Variants in ADAMTSL1 observed in about 807,000 individuals in gnomAD.
ADAMTSL1 encodes the protein ADAMTS like 1, also known as ADAMTS-like protein 1.
ADAMTSL1 carries 126 observed loss-of-function variants against 201.8 expected under a neutral mutation model. The ratio of observed to expected loss-of-function variants is 0.62; its 90% CI spans 0.54 to 0.72. The LOEUF is 0.72. ADAMTSL1 is among the 30% of genes least tolerant of loss of function. The pLI, the probability that ADAMTSL1 is intolerant of heterozygous loss-of-function variation, is 0.00. For synonymous variants in ADAMTSL1, 1,121 were observed against 903.4 expected (o/e 1.24, Z -4.32); for missense variants, 2,679 against 2,277.8 (o/e 1.18, Z -3.59).
At chr9:18,502,356 T>A (rs1247627599) in intron 1 of ADAMTSL1, among the ~76,000 whole-genome samples, 1 of 152,210 alleles carries the variant, frequency 6.6e-6, no homozygotes, top group African/African-American at 2.4e-5. Context: ...AAATAGAAAC[T>A]GCTTCAGGAA....
chr9:18,799,460 G>T (rs964206639), intron 20 of ADAMTSL1, among the ~76,000 whole-genome samples: 1 of 152,166 alleles, frequency 6.6e-6, no homozygotes, highest in African/African-American at 2.4e-5. Flanking sequence ...CTTCAGTCTG[G>T]ATCCGTGGAG....
chr9:18,153,975 C>T (rs1258783078), intron 1 of ADAMTSL1, among the ~76,000 whole-genome samples: 1 of 151,930 alleles, frequency 6.6e-6, no homozygotes, highest in Non-Finnish European at 1.5e-5. Flanking sequence ...ATTCTGGCAG[C>T]AGGTAATTTT....
intron 1 of ADAMTSL1, among the ~76,000 whole-genome samples, chr9:18,041,974 A>G (rs899213667): frequency 6.6e-6 from 1 of 152,002 alleles, no homozygotes; most frequent in Non-Finnish European, 1.5e-5. Flanking sequence ...AAAATTGGTT[A>G]CTTTAAATTT....
intron 2 of ADAMTSL1, among the ~76,000 whole-genome samples, chr9:18,169,661 A>G (rs568824240): frequency 2.2e-4 from 33 of 152,184 alleles, no homozygotes; most frequent in African/African-American, 6.7e-4. Context: ...AATTCTGTGA[A>G]AAAGTCATTG....
Position 18,637,245 on chromosome 9 carries a change from T to G in ADAMTSL1, c.676+1228T>G, listed in dbSNP as rs77952209. 7.9e-3 allele frequency among the ~76,000 whole-genome samples: 1,201 copies of G among 152,224 alleles called. 19 individuals carry two copies. The highest frequency in any genetic ancestry group is 0.028 in the African/African-American group (1,144 of 41,552). ...ACAGTGTTCACATGTCAAAAGATAA[T>G]GTATGTGTGTGTATTATTACCACTC... is the stretch of plus-strand genomic sequence containing the variant. On this transcript the variant is annotated intron_variant, in intron 6 of 28. Coordinates refer to ENST00000380548, the MANE Select transcript of ADAMTSL1 (RefSeq NM_001040272.6).
At chr9:18,210,840 C>G (rs1456617613) in intron 2 of ADAMTSL1, among the ~76,000 whole-genome samples, 1 of 151,524 alleles carries the variant, frequency 6.6e-6, no homozygotes, top group Admixed American at 6.6e-5. Context: ...GAGTGCCTGG[C>G]CAGGTATTAT....
chr9:18,491,775 G>A (rs1822283281), intron 1 of ADAMTSL1, among the ~76,000 whole-genome samples: 2 of 152,166 alleles, frequency 1.3e-5, no homozygotes, highest in South Asian at 4.1e-4. Context: ...GATAGGAAGA[G>A]ATGACTGCTA....
intron 10 of ADAMTSL1, among the ~76,000 whole-genome samples, chr9:18,678,995 C>T (rs1044173033): frequency 4.6e-5 from 7 of 152,246 alleles, no homozygotes; most frequent in South Asian, 2.1e-4. Flanking sequence ...GGGAAATACA[C>T]ATAGGAAAAT....
At chr9:18,881,928 A>G (rs373707920) in intron 23 of ADAMTSL1, among the ~76,000 whole-genome samples, 13 of 152,186 alleles carry the variant, frequency 8.5e-5, no homozygotes, top group African/African-American at 3.1e-4. Flanking sequence ...GGCCCTGGGA[A>G]CAAGACCAAG....
At chr9:18,277,952 A>C (rs1386602969) in intron 2 of ADAMTSL1, among the ~76,000 whole-genome samples, 1 of 151,796 alleles carries the variant, frequency 6.6e-6, no homozygotes, top group African/African-American at 2.4e-5. Context: ...TTTTGTATTT[A>C]CTATCTGTGT....
intron 16 of ADAMTSL1, among the ~76,000 whole-genome samples, chr9:18,766,229 G>A (rs1820356144): frequency 6.6e-6 from 1 of 152,178 alleles, no homozygotes; most frequent in African/African-American, 2.4e-5. Context: ...AAGTTGGAAG[G>A]ATTTAAGCTA....
chr9:18,733,057 C>T (rs537928391), intron 15 of ADAMTSL1, among the ~76,000 whole-genome samples: 1 of 152,180 alleles, frequency 6.6e-6, no homozygotes, highest in Admixed American at 6.5e-5. Context: ...AATTCCAAAG[C>T]AGTTACTGAG....
intron 2 of ADAMTSL1, among the ~76,000 whole-genome samples, chr9:18,523,993 C>T (rs1334306348): frequency 6.9e-6 from 1 of 144,858 alleles, no homozygotes; most frequent in African/African-American, 2.6e-5. Flanking sequence ...TCATTGGTAG[C>T]TTGATGGGGA....
chr9:18,449,832 T>A (rs992062317), intron 2 of ADAMTSL1, among the ~76,000 whole-genome samples: 2 of 152,182 alleles, frequency 1.3e-5, no homozygotes, highest in Non-Finnish European at 2.9e-5. Flanking sequence ...AATAATACAC[T>A]ACTATATACC....
intron 1 of ADAMTSL1, among the ~76,000 whole-genome samples, chr9:17,962,338 C>T (rs1006857973): frequency 6.6e-6 from 1 of 152,168 alleles, no homozygotes; most frequent in African/African-American, 2.4e-5. Context: ...ACCTTTTGAA[C>T]ACTTTCCTGT....
At chr9:18,651,942 A>G (rs1439832418) in intron 7 of ADAMTSL1, among the ~76,000 whole-genome samples, 2 of 151,024 alleles carry the variant, frequency 1.3e-5, no homozygotes, top group Admixed American at 1.3e-4. Flanking sequence ...CATTTAGCAG[A>G]TGATTGATAC....
At chr9:18,403,023 C>A (rs190165645) in intron 2 of ADAMTSL1, among the ~76,000 whole-genome samples, 1 of 152,206 alleles carries the variant, frequency 6.6e-6, no homozygotes, top group Admixed American at 6.5e-5. Flanking sequence ...ACTTGATTAA[C>A]CCAAGATGAC....
At chr9:17,969,021 A>AT (rs952820159) in intron 1 of ADAMTSL1, among the ~76,000 whole-genome samples, 2 of 151,956 alleles carry the variant, frequency 1.3e-5, no homozygotes, top group African/African-American at 2.4e-5. Flanking sequence ...GTTCTGTATG[A>AT]TAAAAATTTC....
chr9:18,465,971 G>A (rs188577859), intron 2 of ADAMTSL1, among the ~76,000 whole-genome samples: 17 of 152,088 alleles, frequency 1.1e-4, no homozygotes, highest in Admixed American at 4.6e-4. Context: ...AGCTGGTCTC[G>A]AACTCCTGAC....
Sources: allele counts gnomAD v4.1 joint callset (sites outside exome capture counted in the v4.1 genomes callset), GRCh38; gene constraint gnomAD v4.1.1; transcripts MANE v1.5; gene names NCBI Gene and HGNC (gene_info 2026-07-23, HGNC 2026-07-21).